F11: variants seen among roughly 807,000 people sequenced by gnomAD.
F11 encodes coagualtion factor XI.
In F11, 78 loss-of-function variants were observed where a neutral mutation model predicts 76.5. The ratio of observed to expected loss-of-function variants is 1.02; its 90% confidence interval spans 0.85 to 1.23. F11 has a LOEUF of 1.23. F11 is among the 50% of genes most tolerant of loss of function. F11 has a pLI of 0.00. For synonymous variants in F11, 278 were observed against 276.3 expected (o/e 1.01, Z -0.06); for missense variants, 742 against 771.4 (o/e 0.96, Z 0.45).
chr4:186,268,445 A>G lies in F11; in HGVS notation c.55+1254A>G, dbSNP rs889321033. Among the ~76,000 whole-genome samples the G allele has an allele frequency of 2.0e-5, 3 of 152,218 alleles. No individual in the cohort carries two copies. In the East Asian group the frequency reaches 5.8e-4, roughly 29 times the overall value. ...GGTCCTTTATACATGCACATGGAACATTTACAAATATTGACCACACACAAG... is the reference window on the plus strand; with the variant it reads ...GGTCCTTTATACATGCACATGGAACGTTTACAAATATTGACCACACACAAG... On this transcript the variant is annotated intron_variant, in intron 2 of 14. Transcript: ENST00000403665.
At chr4:186,280,811 T>TAATTTGA (rs1740740823) in intron 10 of F11, among the ~76,000 whole-genome samples, 1 of 152,152 alleles carries the variant, frequency 6.6e-6, no homozygotes, top group African/African-American at 2.4e-5. Context: ...ATATATGCTT[T>TAATTTGA]AATTTGACAC....
At chr4:186,290,449 T>C (rs543491180), downstream of F11, among the ~76,000 whole-genome samples, 2 of 152,316 alleles carry the variant, frequency 1.3e-5, no homozygotes, top group South Asian at 4.1e-4. Context: ...TACTATCTTG[T>C]TACTTGCTTA....
At chr4:186,283,138 G>T (rs976907630) in intron 10 of F11, 1 of 759,338 alleles carries the variant, frequency 1.3e-6, no homozygotes, top group African/African-American at 1.9e-5. Flanking sequence ...AGATGTTACT[G>T]AGTCAGAATC....
chr4:186,276,090 C>T lies in F11; in HGVS notation c.596-141C>T. 3.8e-6 allele frequency: 4 copies of T among 1,040,474 alleles called. No homozygotes were observed. The Middle Eastern group carries it at 8.6e-4, about 224-fold the overall frequency. 64.5% of individuals were successfully genotyped at this position (1,040,474 alleles called of 1,614,324 possible). The stretch of plus-strand genomic sequence containing the variant: ...AAATTTCCAGTTTAAAATAATCATG[C>T]CATTTTCTTCTAAATAAAAAAAAAT... On this transcript the variant is annotated intron_variant, in intron 6 of 14. Transcript: ENST00000403665.
chr4:186,277,943 G>A (rs1740506201), intron 7 of F11, among the ~76,000 whole-genome samples: 1 of 152,084 alleles, frequency 6.6e-6, no homozygotes, highest in African/African-American at 2.4e-5. Context: ...GGGACCACAG[G>A]TGTGCACCAC....
chr4:186,271,844 C>A, intron 3 of F11, 73 bp downstream of exon 3: 1 of 1,494,330 alleles, frequency 6.7e-7, no homozygotes, highest in Non-Finnish European at 9.3e-7. Flanking sequence ...ACATTTCCAT[C>A]TAACATTTTA....
At position 186,285,721 on chromosome 4, in the gene F11, T is replaced by A; in HGVS notation, c.1388T>A (p.Val463Asp). 1 of 1,614,114 alleles carries A rather than the reference T, an allele frequency of 6.2e-7. No homozygotes were observed. The highest frequency in any genetic ancestry group is 8.5e-7 in the Non-Finnish European group (1 of 1,179,988). ...EIKEDTSFFG[V>D]QEIIIHDQYK... is the part of the protein sequence containing the mutation. ...AAAGAGGACACATCTTTCTTTGGGG[T>A]TCAAGAAATAATAATCCATGATCAG... The change falls in exon 12 of 15, where the codon GTT becomes GAT. Residue 463 changes from valine to aspartate, a missense_variant. By Grantham distance (152) the Val-to-Asp change is radical. Transcript: ENST00000403665.
chr4:186,280,549 A>G lies in F11; in HGVS notation c.1104A>G (p.Gly368=), dbSNP rs770669079. 2 of 1,613,982 alleles carry G rather than the reference A, an allele frequency of 1.2e-6. No homozygotes were observed. The highest frequency in any genetic ancestry group is 1.7e-5 in the Admixed American group (1 of 60,008). ...KILHGRGGIS[G]YTLRLCKMDN... ...TTCACGGGAGAGGAGGCATCTCTGG[A>G]TACACATTAAGGTTGTGTAAAATGG... is the stretch of plus-strand genomic sequence containing the variant. The change falls in exon 10 of 15, where the codon GGA becomes GGG. Residue 368 remains glycine, a synonymous_variant. Transcript: ENST00000403665.
intron 10 of F11, 75 bp downstream of exon 10, chr4:186,280,655 C>A: frequency 8.1e-7 from 1 of 1,238,666 alleles, no homozygotes; most frequent in Non-Finnish European, 1.2e-6. Flanking sequence ...TCAAGACTGT[C>A]AGTTATAGCC....
chr4:186,275,983 T>G (rs1239998980), intron 6 of F11, 87 bp downstream of exon 6: 2 of 1,173,502 alleles, frequency 1.7e-6, no homozygotes, highest in Non-Finnish European at 2.5e-6. Flanking sequence ...CAGCTTATGC[T>G]CACGATGAAA....
chr4:186,282,507 A>G lies in F11; in HGVS notation c.1136-1585A>G, dbSNP rs996561798. On this transcript the variant is annotated intron_variant, in intron 10 of 14. Transcript: ENST00000403665. ...CTTTCTGAAGATAGATAGCAGCACCATTAAAATAAACATTTCTTACCACAA... is the reference window on the plus strand; with the variant it reads ...CTTTCTGAAGATAGATAGCAGCACCGTTAAAATAAACATTTCTTACCACAA... The G allele has an allele frequency of 3.0e-6, 3 of 985,414 alleles. No individual in the cohort carries two copies. The South Asian group carries it at 1.4e-4, about 46-fold the overall frequency. 61.0% of individuals were successfully genotyped at this position (985,414 alleles called of 1,614,324 possible).
At chr4:186,276,864 C>G (rs527781932) in intron 7 of F11, among the ~76,000 whole-genome samples, 1 of 152,218 alleles carries the variant, frequency 6.6e-6, no homozygotes, top group East Asian at 1.9e-4. Flanking sequence ...GCTGAGATTA[C>G]AGGGTTGGGC....
At position 186,276,275 on chromosome 4, in the gene F11, AACATCG is replaced by A. The variant is rs1459304265; in HGVS notation, c.644_649del (p.Ile215_Asp216del). On this transcript the variant is annotated inframe_deletion, in exon 7 of 15. Coordinates refer to ENST00000403665, the MANE Select transcript of F11 (RefSeq NM_000128.4). ...CCCTAATACGGTGTTTGCAGACAGCAACATCGACAGTGTCATGGCTCCCGATGCTTT... is the reference window on the plus strand; with the variant it reads ...CCCTAATACGGTGTTTGCAGACAGCAACAGTGTCATGGCTCCCGATGCTTT... 3.7e-6 allele frequency: 6 copies of A among 1,614,154 alleles called. No homozygotes were observed. The highest frequency in any genetic ancestry group is 5.1e-6 in the Non-Finnish European group (6 of 1,180,028).
intron 10 of F11, chr4:186,282,257 G>T: frequency 1.0e-6 from 1 of 985,404 alleles, no homozygotes; most frequent in Non-Finnish European, 1.2e-6. Context: ...CTGGCCTGTA[G>T]AAGTTACAGA....
chr4:186,280,347 T>C lies in F11; in HGVS notation c.990T>C (p.Phe330=). The C allele has an allele frequency of 1.2e-6, 2 of 1,614,204 alleles. No individual in the cohort carries two copies. The highest frequency in any genetic ancestry group is 1.7e-6 in the Non-Finnish European group (2 of 1,180,040). ...CCAATGCCGTCCGCTGCCAGTTTTT[T>C]ACCTATACCCCAGCCCAAGCATCCT... ...LCTNAVRCQF[F]TYTPAQASCN... Residue 330 remains phenylalanine (F), a synonymous_variant, in exon 9 of 15, where the codon TTT becomes TTC. Coordinates refer to ENST00000403665, the MANE Select transcript of F11 (RefSeq NM_000128.4).
Position 186,274,322 on chromosome 4 carries a change from G to A in F11, c.485+47G>A, listed in dbSNP as rs143650122. The A allele has an allele frequency of 7.2e-4, 1,162 of 1,612,588 alleles. 15 individuals carry two copies. In the South Asian group the frequency reaches 0.012, roughly 16 times the overall value. ...CGAGTGGTCGATGAAAAACAGAATC[G>A]TGATTTACTAAAAAGCTTTTGCCAT... On this transcript the variant is annotated intron_variant, in intron 5 of 14. Transcript: ENST00000403665.
chr4:186,284,282 A>G (rs1741018606), intron 11 of F11, 22 bp downstream of exon 11: 3 of 1,578,354 alleles, frequency 1.9e-6, no homozygotes, highest in Non-Finnish European at 8.7e-7. Flanking sequence ...GGCTGTTTTT[A>G]TTAGTTCATC....
chr4:186,271,499 C>A, intron 2 of F11, 110 bp from the exon 3 acceptor site: 2 of 1,185,342 alleles, frequency 1.7e-6, no homozygotes, highest in South Asian at 1.2e-5. Context: ...CAAATTCAGG[C>A]GTATTTCCTG....
chr4:186,286,107 T>C, intron 12 of F11: 1 of 525,280 alleles, frequency 1.9e-6, no homozygotes, highest in Non-Finnish European at 3.4e-6. Context: ...AGTCTAAAGA[T>C]AATTTATTAA....
Sources: gnomAD v4.1 joint callset for allele counts (sites outside exome capture counted in the v4.1 genomes callset) on GRCh38, gnomAD v4.1.1 for gene constraint, MANE v1.5 for transcripts, NCBI Gene and HGNC (gene_info 2026-07-23, HGNC 2026-07-21) for gene names.